The following GABARAPL2 variants were observed in gnomAD, a reference collection of about 807,000 sequenced individuals.
GABARAPL2 encodes the protein GABA type A receptor associated protein like 2.
A neutral mutation model predicts 16.9 loss-of-function variants in GABARAPL2; 11 were observed. The observed-to-expected ratio is 0.65, with a 90% CI of 0.41 to 1.08. The LOEUF (loss-of-function observed/expected upper bound fraction) is 1.08. GABARAPL2 is among the 50% of genes least tolerant of loss of function. The pLI is 0.00. For synonymous variants in GABARAPL2, 57 were observed against 50.7 expected, an observed-to-expected ratio of 1.12 and a Z score of -0.53; for missense variants, 134 against 142.5, an observed-to-expected ratio of 0.94 and a Z score of 0.30.
At chr16:75,568,323 G>A in intron 3 of GABARAPL2, 114 bp downstream of exon 3, 1 of 652,096 alleles carries the variant, frequency 1.5e-6, no homozygotes, top group South Asian at 2.5e-5. Flanking sequence ...TAGAAATCTG[G>A]ATTTTATGCT....
intron 3 of GABARAPL2, among the ~76,000 whole-genome samples, chr16:75,573,040 C>T (rs909829319): frequency 6.6e-6 from 1 of 152,216 alleles, no homozygotes; most frequent in Non-Finnish European, 1.5e-5. Flanking sequence ...ATTAGAGCTG[C>T]CTCTGTGCTG....
intron 3 of GABARAPL2, among the ~76,000 whole-genome samples, chr16:75,569,027 C>T (rs2151717465): frequency 6.6e-6 from 1 of 152,266 alleles, no homozygotes; most frequent in South Asian, 2.1e-4. Context: ...CTTTGTGACC[C>T]AATCTAGGTT....
chr16:75,572,434 C>T (rs2080920968), intron 3 of GABARAPL2: 1 of 152,404 alleles, frequency 6.6e-6, no homozygotes, highest in Non-Finnish European at 1.5e-5. Flanking sequence ...CCCACAGCCT[C>T]CATGACCTGC....
intron 2 of GABARAPL2, 70 bp downstream of exon 2, chr16:75,566,977 C>G: frequency 1.6e-6 from 2 of 1,279,176 alleles, no homozygotes; most frequent in Non-Finnish European, 2.3e-6. Flanking sequence ...AGGCCCCAGG[C>G]CATTCAACAG....
intron 3 of GABARAPL2, among the ~76,000 whole-genome samples, chr16:75,571,071 T>C (rs1334767325): frequency 2.0e-5 from 3 of 152,182 alleles, no homozygotes; most frequent in African/African-American, 4.8e-5. Context: ...ATATAATATC[T>C]CTAAGATATT....
intron 3 of GABARAPL2, among the ~76,000 whole-genome samples, chr16:75,570,126 C>T (rs2080906640): frequency 6.6e-6 from 1 of 151,922 alleles, no homozygotes; most frequent in Non-Finnish European, 1.5e-5. Flanking sequence ...GACAGAGTCT[C>T]ACTCTGTTGC....
At chr16:75,573,137 C>T (rs1374074621) in intron 3 of GABARAPL2, among the ~76,000 whole-genome samples, 1 of 152,238 alleles carries the variant, frequency 6.6e-6, no homozygotes, top group Non-Finnish European at 1.5e-5. Flanking sequence ...TTTAACTTCT[C>T]AGAGGTTTAT....
chr16:75,574,972 C>T (rs1442101829), intron 3 of GABARAPL2, among the ~76,000 whole-genome samples: 2 of 151,994 alleles, frequency 1.3e-5, no homozygotes, highest in African/African-American at 2.4e-5. Flanking sequence ...GTGGAGGTTG[C>T]AGTGAACCGA....
At chr16:75,570,790 A>T (rs1567445287) in intron 3 of GABARAPL2, among the ~76,000 whole-genome samples, 1 of 152,184 alleles carries the variant, frequency 6.6e-6, no homozygotes, top group Non-Finnish European at 1.5e-5. Context: ...AAAAAGAGGG[A>T]ATCACAATGG....
intron 3 of GABARAPL2, among the ~76,000 whole-genome samples, chr16:75,568,938 T>C (rs574117726): frequency 6.6e-6 from 1 of 152,334 alleles, no homozygotes; most frequent in Admixed American, 6.5e-5. Context: ...TTCCCGTTAC[T>C]GAGTGGGTAG....
chr16:75,566,544 G>A (rs978371582), intron 1 of GABARAPL2, 24 bp downstream of exon 1: 1 of 1,606,244 alleles, frequency 6.2e-7, no homozygotes. Context: ...CGTCGGCCCG[G>A]CTGCTGGGGG....
intron 3 of GABARAPL2, chr16:75,572,661 G>A (rs966970881): frequency 2.0e-5 from 3 of 152,216 alleles, no homozygotes; most frequent in Non-Finnish European, 4.4e-5. Flanking sequence ...GTCATTCAGT[G>A]GAGGGGTTGG....
chr16:75,566,805 G>T, intron 1 of GABARAPL2, 47 bp from the exon 2 acceptor site: 8 of 1,569,368 alleles, frequency 5.1e-6, no homozygotes, highest in South Asian at 3.3e-5. Context: ...GCCGGGAACC[G>T]ACCGGTGGGC....
rs1360351143 is a variant in GABARAPL2, at chr16:75,566,925, C to T, written c.90+18C>T. ...GGGTTCCGGTGAGTGGACTCTCCGC[C>T]CCCTCACCTCGCTGTCACCTCTGTC... On this transcript the variant is annotated intron_variant, in intron 2 of 3. Coordinates refer to ENST00000037243, the MANE Select transcript of GABARAPL2 (RefSeq NM_007285.7). 1.2e-6 allele frequency: 2 copies of T among 1,601,150 alleles called. No homozygotes were observed. Among genetic ancestry groups the T allele is most frequent in the Non-Finnish European group, 1.7e-6 (2 of 1,168,632 alleles).
intron 3 of GABARAPL2, among the ~76,000 whole-genome samples, chr16:75,573,157 C>T (rs539604978): frequency 6.6e-6 from 1 of 152,338 alleles, no homozygotes; most frequent in African/African-American, 2.4e-5. Context: ...TGGAATGTGT[C>T]CCAAACTGAC....
intron 1 of GABARAPL2, 61 bp downstream of exon 1, chr16:75,566,581 C>T (rs916732293): frequency 6.3e-7 from 1 of 1,582,308 alleles, no homozygotes; most frequent in Non-Finnish European, 8.6e-7. Flanking sequence ...GCCCCCTCCC[C>T]CACTCGGGCG....
intron 3 of GABARAPL2, among the ~76,000 whole-genome samples, chr16:75,570,158 C>G (rs953672484): frequency 1.3e-5 from 2 of 152,022 alleles, no homozygotes; most frequent in Non-Finnish European, 2.9e-5. Flanking sequence ...TGCAGTGGTG[C>G]AATCTGAGCT....
chr16:75,575,354 G>C (rs1234309225), intron 3 of GABARAPL2, among the ~76,000 whole-genome samples: 2 of 151,596 alleles, frequency 1.3e-5, no homozygotes, highest in Middle Eastern at 3.4e-3. Context: ...GCAGTACAAT[G>C]GCACGATCTT....
At chr16:75,567,105 T>C (rs562648594) in intron 2 of GABARAPL2, among the ~76,000 whole-genome samples, 198 bp downstream of exon 2, 1 of 152,330 alleles carries the variant, frequency 6.6e-6, no homozygotes, top group Admixed American at 6.5e-5. Flanking sequence ...GCCTCAGTGC[T>C]GAATCTCCCG....
Sources: gnomAD v4.1 joint callset for allele counts (sites outside exome capture counted in the v4.1 genomes callset) on GRCh38, gnomAD v4.1.1 for gene constraint, MANE v1.5 for transcripts, NCBI Gene and HGNC (gene_info 2026-07-23, HGNC 2026-07-21) for gene names.